The following KLHL29 variants were observed in gnomAD, a reference collection of about 807,000 sequenced individuals.
KLHL29 encodes the protein kelch like family member 29, also known as kelch-like protein 29.
Under a neutral mutation model 80.4 loss-of-function variants are expected in KLHL29, and 21 were observed. The observed-to-expected ratio is 0.26, with a 90% CI of 0.19 to 0.38. The LOEUF (loss-of-function observed/expected upper bound fraction) is 0.38, where lower values mean the gene tolerates loss of function less well. KLHL29 is among the 10% of genes least tolerant of loss of function. The probability of loss-of-function intolerance (pLI) is 1.00; values close to 1 mark genes in which losing one functional copy is unlikely to be tolerated. For missense variants in KLHL29, 867 were observed against 1,223.9 expected (o/e 0.71, Z 4.35); for synonymous variants, 511 against 526.8 (o/e 0.97, Z 0.41).
intron 1 of KLHL29, among the ~76,000 whole-genome samples, chr2:23,413,747 G>A (rs1666920725): frequency 6.6e-6 from 1 of 152,166 alleles, no homozygotes; most frequent in South Asian, 2.1e-4. Context: ...CTGTGCATCT[G>A]TCCCCACCAA....
At chr2:23,413,761 C>T (rs1054216249) in intron 1 of KLHL29, among the ~76,000 whole-genome samples, 7 of 152,314 alleles carry the variant, frequency 4.6e-5, no homozygotes, top group East Asian at 1.9e-4. Context: ...CCACCAAGCC[C>T]GGTGCTCTGA....
chr2:23,512,114 A>T (rs1278189539), intron 2 of KLHL29, among the ~76,000 whole-genome samples: 5 of 152,136 alleles, frequency 3.3e-5, no homozygotes, highest in African/African-American at 1.2e-4. Context: ...TCAGCAAATG[A>T]CCTAACTTCT....
chr2:23,388,191 A>G (rs1666232464), intron 1 of KLHL29, among the ~76,000 whole-genome samples: 1 of 152,224 alleles, frequency 6.6e-6, no homozygotes, highest in South Asian at 2.1e-4. Context: ...TCAAGTACTC[A>G]GTGTGGGAGA....
chr2:23,584,832 G>T (rs1197195514), intron 3 of KLHL29, among the ~76,000 whole-genome samples: 2 of 152,194 alleles, frequency 1.3e-5, no homozygotes, highest in Non-Finnish European at 2.9e-5. Context: ...CGCCTCCCAG[G>T]TTCAAGCGGT....
intron 1 of KLHL29, among the ~76,000 whole-genome samples, chr2:23,387,335 C>A (rs1468767134): frequency 1.3e-5 from 2 of 152,150 alleles, no homozygotes; most frequent in Admixed American, 6.5e-5. Context: ...GTCCTGGTTA[C>A]GGCTGTATTT....
rs902074137 is a variant in KLHL29, at chr2:23,681,221, G to T, written c.941-3178G>T. Among the ~76,000 whole-genome samples the T allele has an allele frequency of 1.2e-4, 19 of 152,378 alleles. No homozygotes were observed. Among genetic ancestry groups the T allele is most frequent in the African/African-American group, 4.3e-4 (18 of 41,592 alleles). On this transcript the variant is annotated intron_variant, in intron 5 of 13. Coordinates refer to ENST00000486442, the MANE Select transcript of KLHL29 (RefSeq NM_052920.2). This position sits in a 1 kb window ranked among gnomAD's most constrained non-coding sequence, Gnocchi z 4.2. ...TAGGAATGCACTTGGGGCCTGCTGGGAATCCCCTGGTGAGCACTTTCATAA... is the reference window on the plus strand; with the variant it reads ...TAGGAATGCACTTGGGGCCTGCTGGTAATCCCCTGGTGAGCACTTTCATAA...
chr2:23,679,509 C>A (rs144802693), intron 5 of KLHL29, among the ~76,000 whole-genome samples: 1 of 152,280 alleles, frequency 6.6e-6, no homozygotes, highest in African/African-American at 2.4e-5. Flanking sequence ...ATTCTGTAGT[C>A]CAAAGCAAAT....
chr2:23,696,172 G>T lies in KLHL29; in HGVS notation c.1924+39G>T, dbSNP rs970283790. On this transcript the variant is annotated intron_variant, in intron 10 of 13. Transcript: ENST00000486442. The surrounding 1 kb of genome is among the most constrained non-coding windows in gnomAD (Gnocchi z 5.5). ...GGGTTGGGGCGGGACCAGGCATGGG[G>T]GTCCCAAGGGGACTGCTCCCCACGT... The T allele has an allele frequency of 4.6e-6, 7 of 1,534,962 alleles. No homozygotes were observed. Among genetic ancestry groups the T allele is most frequent in the Non-Finnish European group, 6.2e-6 (7 of 1,136,230 alleles).
At chr2:23,495,582 C>T (rs1367478340) in intron 2 of KLHL29, among the ~76,000 whole-genome samples, 1 of 152,178 alleles carries the variant, frequency 6.6e-6, no homozygotes, top group Non-Finnish European at 1.5e-5. Flanking sequence ...ATTCTCCCAG[C>T]CCCCATTGGT....
chr2:23,654,695 T>TGGGGGG lies in KLHL29; in HGVS notation c.940+11845_940+11846insGGGGGG, dbSNP rs769363801. On this transcript the variant is annotated intron_variant, in intron 5 of 13. Coordinates refer to ENST00000486442, the MANE Select transcript of KLHL29 (RefSeq NM_052920.2). ...CTTCTCTTCCAGAAGGGAACAGAGG[T>TGGGGGG]TGGGGGGGGGGGGTGGATGTTTTGT... Among the ~76,000 whole-genome samples, 50 of 34,186 alleles carry TGGGGGG rather than the reference T, an allele frequency of 1.5e-3. 5 individuals carry two copies. Among genetic ancestry groups the TGGGGGG allele is most frequent in the Middle Eastern group, 0.019 (1 of 52 alleles). 22.4% of individuals were successfully genotyped at this position (34,186 alleles called of 152,430 possible).
intron 3 of KLHL29, among the ~76,000 whole-genome samples, chr2:23,607,266 A>G (rs1668751759): frequency 1.3e-5 from 2 of 152,060 alleles, no homozygotes; most frequent in African/African-American, 4.8e-5. Context: ...GGTGACTCAG[A>G]GGGGGCCTGC....
intron 1 of KLHL29, among the ~76,000 whole-genome samples, chr2:23,427,295 T>C (rs1663030346): frequency 6.6e-6 from 1 of 152,222 alleles, no homozygotes; most frequent in Non-Finnish European, 1.5e-5. Flanking sequence ...AATACGGTGT[T>C]ACCACAGGAA....
intron 1 of KLHL29, among the ~76,000 whole-genome samples, chr2:23,454,274 T>C (rs1253524121): frequency 7.3e-6 from 1 of 137,058 alleles, no homozygotes; most frequent in Non-Finnish European, 1.6e-5. Flanking sequence ...GCCTCAGAAC[T>C]CAGCCTGTCA....
chr2:23,519,295 C>G (rs1312481000), intron 2 of KLHL29, among the ~76,000 whole-genome samples: 1 of 152,146 alleles, frequency 6.6e-6, no homozygotes, highest in African/African-American at 2.4e-5. Context: ...TCAGCCTTGG[C>G]AATACCCCAG....
At chr2:23,427,505 G>A (rs538490884) in intron 1 of KLHL29, among the ~76,000 whole-genome samples, 6 of 152,316 alleles carry the variant, frequency 3.9e-5, no homozygotes, top group Admixed American at 2.0e-4. Context: ...GAGGGGTGGC[G>A]TGTTCTGCGT....
At chr2:23,512,765 G>C (rs1352733478) in intron 2 of KLHL29, among the ~76,000 whole-genome samples, 1 of 152,226 alleles carries the variant, frequency 6.6e-6, no homozygotes, top group Non-Finnish European at 1.5e-5. Flanking sequence ...CTGAAATGAA[G>C]CATCCGCTGG....
At chr2:23,408,399 C>T (rs916794010) in intron 1 of KLHL29, among the ~76,000 whole-genome samples, 4 of 148,674 alleles carry the variant, frequency 2.7e-5, no homozygotes, top group Non-Finnish European at 1.5e-5. Flanking sequence ...TGAGTCTTCT[C>T]ATTCAGGAAT....
chr2:23,704,503 A>C (rs1011037262), intron 13 of KLHL29, among the ~76,000 whole-genome samples: 14 of 152,260 alleles, frequency 9.2e-5, no homozygotes, highest in Admixed American at 7.2e-4. Flanking sequence ...GCAGTGGCTC[A>C]CACCTGTAAT....
chr2:23,520,246 G>A (rs1438671120), intron 2 of KLHL29, among the ~76,000 whole-genome samples: 1 of 152,174 alleles, frequency 6.6e-6, no homozygotes, highest in African/African-American at 2.4e-5. Flanking sequence ...GGGGTACAGG[G>A]CAGGGGTGTT....
Sources: gnomAD v4.1 joint callset for allele counts (sites outside exome capture counted in the v4.1 genomes callset) on GRCh38, gnomAD v4.1.1 for gene constraint, Gnocchi (gnomAD v3.1) non-coding constraint, MANE v1.5 for transcripts, NCBI Gene and HGNC (gene_info 2026-07-23, HGNC 2026-07-21) for gene names.